The following FAM114A1 variants were observed in gnomAD, a reference collection of about 807,000 sequenced individuals.
FAM114A1 encodes family with sequence similarity 114 member A1, also known as protein NOXP20.
A neutral mutation model predicts 64.3 loss-of-function variants in FAM114A1; 62 were observed. That is an observed-to-expected ratio of 0.96 (90% CI 0.79 to 1.19). The LOEUF (loss-of-function observed/expected upper bound fraction) is 1.19. Ranked by LOEUF, FAM114A1 falls within the 50% of genes most tolerant of loss-of-function variation. FAM114A1 has a pLI of 0.00. For missense variants in FAM114A1, 645 were observed against 676.3 expected (o/e 0.95, Z 0.51); for synonymous variants, 254 against 251.1 (o/e 1.01, Z -0.11).
chr4:38,873,097 C>G (rs1016072709), intron 2 of FAM114A1, among the ~76,000 whole-genome samples: 2 of 152,218 alleles, frequency 1.3e-5, no homozygotes, highest in Admixed American at 6.5e-5. Context: ...TTCTATCGTT[C>G]TTTACTATTT....
chr4:38,915,744 GGTGTGTGT>G (rs58018099), intron 8 of FAM114A1, among the ~76,000 whole-genome samples: 12,039 of 139,122 alleles, frequency 0.087, 648 homozygotes, highest in East Asian at 0.22. Context: ...CATCTATAGT[GGTGTGTGT>G]GTGTGTGTGT....
chr4:38,867,984 T>C, intron 1 of FAM114A1, 150 bp downstream of exon 1: 1 of 386,426 alleles, frequency 2.6e-6, no homozygotes, highest in Non-Finnish European at 5.2e-6. Flanking sequence ...GAAGCAGTGG[T>C]CAGGGAGGAC....
chr4:38,873,929 G>A (rs1714353358), intron 2 of FAM114A1, among the ~76,000 whole-genome samples: 1 of 152,122 alleles, frequency 6.6e-6, no homozygotes, highest in South Asian at 2.1e-4. Flanking sequence ...TGAAGGATGG[G>A]AAGTAAGGGG....
At position 38,943,630 on chromosome 4, in the gene FAM114A1, T is replaced by A. The variant is rs878943908; in HGVS notation, c.*73T>A. On this transcript the variant is annotated 3_prime_UTR_variant, in exon 15 of 15. Transcript: ENST00000358869. The stretch of plus-strand genomic sequence containing the variant: ...TCAATATGTACCATTTAAGGGGATG[T>A]TCTCTGTGCGCCTGGCCACAGACAT... 7.6e-7 allele frequency: 1 copy of A among 1,319,024 alleles called. No homozygotes were observed. The highest frequency in any genetic ancestry group is 1.2e-5 in the South Asian group (1 of 83,110). The allele number at this position is 1,319,024 out of a possible 1,614,324, so 81.7% of individuals were successfully genotyped here. A position where few individuals can be genotyped will look rare whatever the true frequency, so the allele number is the denominator to read the frequency against.
chr4:38,880,242 A>G (rs1382605365), intron 3 of FAM114A1, among the ~76,000 whole-genome samples: 1 of 152,108 alleles, frequency 6.6e-6, no homozygotes, highest in Non-Finnish European at 1.5e-5. Context: ...GACATCAGCA[A>G]TTTTTAAAAG....
intron 3 of FAM114A1, 42 bp from the exon 4 acceptor site, chr4:38,891,701 T>C: frequency 6.6e-7 from 1 of 1,519,240 alleles, no homozygotes; most frequent in Non-Finnish European, 9.0e-7. Flanking sequence ...CATTCAGAGA[T>C]ATACTGAATT....
At chr4:38,873,616 C>G (rs1030763946) in intron 2 of FAM114A1, among the ~76,000 whole-genome samples, 3 of 152,196 alleles carry the variant, frequency 2.0e-5, no homozygotes, top group African/African-American at 7.2e-5. Flanking sequence ...GGAAAATGTT[C>G]AACCTGGAGG....
intron 4 of FAM114A1, among the ~76,000 whole-genome samples, chr4:38,902,385 G>A (rs571932239): frequency 3.0e-4 from 46 of 152,268 alleles, no homozygotes; most frequent in Admixed American, 4.6e-4. Context: ...AACTCTGAGA[G>A]GTAATCCTCC....
chr4:38,905,404 A>T, intron 4 of FAM114A1, 118 bp from the exon 5 acceptor site: 3 of 785,096 alleles, frequency 3.8e-6, no homozygotes, highest in Non-Finnish European at 6.2e-6. Context: ...ATCTTTTAAA[A>T]AAAAAAAAAA....
intron 2 of FAM114A1, among the ~76,000 whole-genome samples, chr4:38,877,754 C>T (rs188814332): frequency 2.1e-4 from 32 of 152,152 alleles, no homozygotes; most frequent in African/African-American, 5.8e-4. Context: ...CACCTGAGGT[C>T]GGGAGTTCGA....
At chr4:38,894,243 C>G (rs1029908603) in intron 4 of FAM114A1, among the ~76,000 whole-genome samples, 4 of 148,398 alleles carry the variant, frequency 2.7e-5, no homozygotes, top group African/African-American at 5.0e-5. Context: ...ACGTCATTGT[C>G]TTAATCTGCG....
At chr4:38,924,366 G>A (rs930885342) in intron 9 of FAM114A1, among the ~76,000 whole-genome samples, 1 of 152,106 alleles carries the variant, frequency 6.6e-6, no homozygotes, top group Non-Finnish European at 1.5e-5. Flanking sequence ...GTTATTACCC[G>A]GCATGCAAAG....
intron 12 of FAM114A1, among the ~76,000 whole-genome samples, chr4:38,933,523 A>C (rs887318294): frequency 1.3e-5 from 2 of 152,342 alleles, no homozygotes; most frequent in South Asian, 4.1e-4. Flanking sequence ...GTGTTGTCCT[A>C]TATCATGTTC....
At position 38,884,269 on chromosome 4, in the gene FAM114A1, G is replaced by A. The variant is rs182835587; in HGVS notation, c.348+5843G>A. On this transcript the variant is annotated intron_variant, in intron 3 of 14. Coordinates refer to ENST00000358869, the MANE Select transcript of FAM114A1 (RefSeq NM_138389.4). ...CTCCCAAAGTGCTGGGATTATAGGC[G>A]CAAGCCACCGCACCGGCCTGAGTTC... Among the ~76,000 whole-genome samples the A allele has an allele frequency of 2.8e-4, 42 of 152,310 alleles. No individual in the cohort carries two copies. The East Asian group carries it at 4.6e-3, about 17-fold the overall frequency.
chr4:38,910,693 A>T (rs1718451568), intron 7 of FAM114A1, among the ~76,000 whole-genome samples: 2 of 152,144 alleles, frequency 1.3e-5, no homozygotes, highest in Non-Finnish European at 2.9e-5. Flanking sequence ...AGGAGATGAG[A>T]GCATTGGCCA....
intron 4 of FAM114A1, among the ~76,000 whole-genome samples, chr4:38,904,095 T>C (rs932216598): frequency 6.6e-6 from 1 of 152,218 alleles, no homozygotes; most frequent in African/African-American, 2.4e-5. Context: ...TCAAATTCTG[T>C]TGGGACTTGG....
chr4:38,886,373 T>G (rs6830230), intron 3 of FAM114A1, among the ~76,000 whole-genome samples: 29,518 of 150,650 alleles, frequency 0.2, 3,049 homozygotes, highest in Middle Eastern at 0.39. Flanking sequence ...GTTTCACCTT[T>G]TTGGCCAGGC....
intron 7 of FAM114A1, among the ~76,000 whole-genome samples, chr4:38,911,726 T>C (rs1560312755): frequency 1.3e-5 from 2 of 152,078 alleles, no homozygotes; most frequent in Non-Finnish European, 2.9e-5. Context: ...ACTAAAGAAA[T>C]ATATAACTAT....
chr4:38,884,152 GTTGGTTT>G (rs1252754972), intron 3 of FAM114A1, among the ~76,000 whole-genome samples: 1 of 152,228 alleles, frequency 6.6e-6, no homozygotes, highest in African/African-American at 2.4e-5. Flanking sequence ...GGTGAGTTCA[GTTGGTTT>G]TTGGTTTTTG....
Sources: gnomAD v4.1 joint callset for allele counts (sites outside exome capture counted in the v4.1 genomes callset) on GRCh38, gnomAD v4.1.1 for gene constraint, MANE v1.5 for transcripts, NCBI Gene and HGNC (gene_info 2026-07-23, HGNC 2026-07-21) for gene names.